ASB5: variants seen among roughly 807,000 people sequenced by gnomAD.
ASB5 encodes the protein ankyrin repeat and SOCS box protein 5.
Under a neutral mutation model 42.1 loss-of-function variants are expected in ASB5, and 45 were observed. The ratio of observed to expected loss-of-function variants is 1.07; its 90% CI spans 0.84 to 1.37. ASB5 has a LOEUF of 1.37. Among genes scored for constraint, ASB5 ranks in the 40% most tolerant of loss-of-function variants. The pLI is 0.00. For synonymous variants in ASB5, 147 were observed against 150.6 expected, an observed-to-expected ratio of 0.98 and a Z score of 0.18; for missense variants, 402 against 399.8, an observed-to-expected ratio of 1.01 and a Z score of -0.05.
At chr4:176,232,123 A>T (rs1262027933) in intron 1 of ASB5, among the ~76,000 whole-genome samples, 2 of 138,452 alleles carry the variant, frequency 1.4e-5, no homozygotes, top group Non-Finnish European at 3.2e-5. Flanking sequence ...ATATATATAT[A>T]TATACTTTTT....
At chr4:176,248,662 T>C (rs930597368) in intron 1 of ASB5, among the ~76,000 whole-genome samples, 1 of 152,212 alleles carries the variant, frequency 6.6e-6, no homozygotes, top group African/African-American at 2.4e-5. Context: ...TTATTGAGAA[T>C]GAATGAACCT....
chr4:176,264,172 C>T (rs994287612), intron 1 of ASB5, among the ~76,000 whole-genome samples: 1 of 152,132 alleles, frequency 6.6e-6, no homozygotes, highest in African/African-American at 2.4e-5. Context: ...GTGAAAGGAG[C>T]GCCTGAAGAG....
At chr4:176,242,537 A>T (rs147856004) in intron 1 of ASB5, among the ~76,000 whole-genome samples, 3 of 152,336 alleles carry the variant, frequency 2.0e-5, no homozygotes, top group Non-Finnish European at 4.4e-5. Context: ...TATTGGCATT[A>T]TGTTGTTATA....
intron 1 of ASB5, among the ~76,000 whole-genome samples, chr4:176,243,875 G>A (rs965254379): frequency 1.3e-5 from 2 of 152,002 alleles, no homozygotes; most frequent in Non-Finnish European, 2.9e-5. Context: ...TTTCCCTTGG[G>A]CACATCTTTC....
At chr4:176,228,416 T>C (rs751477012) in intron 1 of ASB5, among the ~76,000 whole-genome samples, 8 of 152,214 alleles carry the variant, frequency 5.3e-5, no homozygotes, top group Non-Finnish European at 1.0e-4. Flanking sequence ...TGGGTGTTTA[T>C]CTTGAATTAC....
At chr4:176,230,308 A>T (rs73007161) in intron 1 of ASB5, among the ~76,000 whole-genome samples, 2,450 of 152,296 alleles carry the variant, frequency 0.016, 67 homozygotes, top group African/African-American at 0.054. Flanking sequence ...ATTGACTAAA[A>T]TATTTTTGTG....
chr4:176,215,485 G>C lies in ASB5; in HGVS notation c.*115C>G. 9.4e-7 allele frequency: 1 copy of C among 1,059,000 alleles called. No individual in the cohort carries two copies. The highest frequency in any genetic ancestry group is 1.3e-6 in the Non-Finnish European group (1 of 748,962). The allele number at this position is 1,059,000 out of a possible 1,614,324, so 65.6% of individuals were successfully genotyped here. A position where few individuals can be genotyped will look rare whatever the true frequency, so the allele number is the denominator to read the frequency against. On this transcript the variant is annotated 3_prime_UTR_variant, in exon 7 of 7. Transcript: ENST00000296525. ...AAAATTGATATTTTACTGCTTCCCT[G>C]GGTGATCTCACACTCACTTTTATCC...
intron 1 of ASB5, among the ~76,000 whole-genome samples, chr4:176,276,726 T>G (rs1455727473): frequency 1.3e-5 from 2 of 152,170 alleles, no homozygotes; most frequent in African/African-American, 4.8e-5. Context: ...TACCTGAAGA[T>G]GTGATCGTGG....
chr4:176,265,878 A>T (rs536187478), intron 1 of ASB5, among the ~76,000 whole-genome samples: 4 of 152,318 alleles, frequency 2.6e-5, no homozygotes, highest in African/African-American at 9.6e-5. Flanking sequence ...ATGATACAGG[A>T]GGTAGTTATA....
chr4:176,245,712 C>T (rs546105679), intron 1 of ASB5, among the ~76,000 whole-genome samples: 11 of 152,186 alleles, frequency 7.2e-5, no homozygotes, highest in East Asian at 1.9e-4. Context: ...GAATACTATG[C>T]GGCCATAAAA....
upstream of ASB5, among the ~76,000 whole-genome samples, chr4:176,272,018 T>A (rs995615037): frequency 6.6e-6 from 1 of 152,078 alleles, no homozygotes; most frequent in Non-Finnish European, 1.5e-5. Context: ...CAAGATTATA[T>A]GTAATCAGGA....
chr4:176,260,144 A>G (rs1230970738), intron 1 of ASB5, among the ~76,000 whole-genome samples: 1 of 152,234 alleles, frequency 6.6e-6, no homozygotes, highest in African/African-American at 2.4e-5. Context: ...CTTTGAAGAA[A>G]AAATTATTAC....
chr4:176,268,884 G>T, intron 1 of ASB5, 29 bp downstream of exon 1: 1 of 1,499,108 alleles, frequency 6.7e-7, no homozygotes, highest in Non-Finnish European at 9.0e-7. Flanking sequence ...AACTCCACTT[G>T]AAACAAGAGA....
At position 176,214,257 on chromosome 4, in the gene ASB5, C is replaced by T. The variant is rs892411032; in HGVS notation, c.*1343G>A. The T allele has an allele frequency of 4.6e-5, 7 of 151,944 alleles. No individual in the cohort carries two copies. The highest frequency in any genetic ancestry group is 1.7e-4 in the African/African-American group (7 of 41,378). 9.4% of individuals were successfully genotyped at this position (151,944 alleles called of 1,614,324 possible). A position where few individuals can be genotyped will look rare whatever the true frequency, so the allele number is the denominator to read the frequency against. On this transcript the variant is annotated 3_prime_UTR_variant, in exon 7 of 7. Transcript: ENST00000296525. ...CCAAGAAGTCAGAAGAAAATAAGCC[C>T]TGGGTTGTTGAAAATAGTGGTCAAA... is the stretch of plus-strand genomic sequence containing the variant.
intron 1 of ASB5, among the ~76,000 whole-genome samples, chr4:176,244,274 C>CAGAAGTGA (rs1240568028): frequency 1.3e-5 from 2 of 152,146 alleles, no homozygotes; most frequent in African/African-American, 4.8e-5. Context: ...ATCTTGTCTA[C>CAGAAGTGA]AGAAGTGACA....
At position 176,220,264 on chromosome 4, in the gene ASB5, G is replaced by A. The variant is rs180764033; in HGVS notation, c.670+891C>T. On this transcript the variant is annotated intron_variant, in intron 5 of 6. Coordinates refer to ENST00000296525, the MANE Select transcript of ASB5 (RefSeq NM_080874.4). ...AACTCATGTCTAAGACTGAGTAGGT[G>A]TAATGAGAATGAAATAGTAGATGTA... Among the ~76,000 whole-genome samples the A allele has an allele frequency of 5.8e-3, 879 of 152,274 alleles. 7 individuals carry two copies. Among genetic ancestry groups the A allele is most frequent in the Admixed American group, 9.7e-3 (149 of 15,284 alleles).
At chr4:176,222,548 A>G in intron 2 of ASB5, 128 bp from the exon 3 acceptor site, 1 of 845,724 alleles carries the variant, frequency 1.2e-6, no homozygotes. Context: ...TTTCCAGTTT[A>G]GCAGGATAGG....
At chr4:176,254,573 G>A (rs902853017) in intron 1 of ASB5, among the ~76,000 whole-genome samples, 2 of 149,930 alleles carry the variant, frequency 1.3e-5, no homozygotes, top group African/African-American at 4.9e-5. Context: ...CCTAATTAAA[G>A]TTTTGCACAG....
Position 176,253,338 on chromosome 4 carries a change from C to CA in ASB5, c.196+15574dup, listed in dbSNP as rs1336025457. The stretch of plus-strand genomic sequence containing the variant: ...TTTATACACAATTTATAAAGCACAA[C>CA]AGTGCACACATTCTGGTAAACTTTT... On this transcript the variant is annotated intron_variant, in intron 1 of 6. Coordinates refer to ENST00000296525, the MANE Select transcript of ASB5 (RefSeq NM_080874.4). Among the ~76,000 whole-genome samples, 3 of 152,294 alleles carry CA rather than the reference C, an allele frequency of 2.0e-5. No homozygotes were observed. The East Asian group carries it at 5.8e-4, about 29-fold the overall frequency.
Sources: allele counts gnomAD v4.1 joint callset (sites outside exome capture counted in the v4.1 genomes callset), GRCh38; gene constraint gnomAD v4.1.1; transcripts MANE v1.5; gene names NCBI Gene and HGNC (gene_info 2026-07-23, HGNC 2026-07-21).